PPP2R5E: variants seen among roughly 807,000 people sequenced by gnomAD.
The protein encoded by PPP2R5E is protein phosphatase 2 regulatory subunit B'epsilon, also known as serine/threonine-protein phosphatase 2A 56 kDa regulatory subunit epsilon isoform.
Under a neutral mutation model 65.3 loss-of-function variants are expected in PPP2R5E, and 4 were observed. The ratio of observed to expected loss-of-function variants is 0.06; its 90% CI spans 0.03 to 0.14. PPP2R5E has a LOEUF of 0.14. Among genes scored for constraint, PPP2R5E ranks in the 10% least tolerant of loss-of-function variants. The pLI is 1.00. For missense variants in PPP2R5E, 274 were observed against 556.1 expected (o/e 0.49, Z 5.10); for synonymous variants, 183 against 187.4 (o/e 0.98, Z 0.19).
chr14:63,509,544 G>A (rs1162279867), intron 2 of PPP2R5E, among the ~76,000 whole-genome samples: 1 of 152,090 alleles, frequency 6.6e-6, no homozygotes, highest in Non-Finnish European at 1.5e-5. Context: ...AAAGTGCTGG[G>A]ATTACAGGCC....
chr14:63,538,798 A>T (rs1298052907), intron 2 of PPP2R5E, among the ~76,000 whole-genome samples: 1 of 151,780 alleles, frequency 6.6e-6, no homozygotes, highest in East Asian at 2.0e-4. Context: ...TACAAAAATT[A>T]GCTGGGCATG....
At chr14:63,387,229 T>G (rs1203434030) in intron 11 of PPP2R5E, among the ~76,000 whole-genome samples, 2 of 152,226 alleles carry the variant, frequency 1.3e-5, no homozygotes, top group Non-Finnish European at 2.9e-5. Context: ...TCTTTGGACA[T>G]TCCTCCAGAA....
chr14:63,395,996 G>A (rs1289871201), intron 6 of PPP2R5E, among the ~76,000 whole-genome samples: 21 of 6,118 alleles, frequency 3.4e-3, no homozygotes, highest in African/African-American at 0.018. Context: ...GGGAAGAGAC[G>A]GGGGAGGAGA....
chr14:63,394,005 T>C, intron 7 of PPP2R5E, 77 bp from the exon 8 acceptor site: 1 of 817,548 alleles, frequency 1.2e-6, no homozygotes, highest in South Asian at 1.5e-5. Flanking sequence ...GTGATATTAA[T>C]TAAACTTAAT....
intron 13 of PPP2R5E, among the ~76,000 whole-genome samples, chr14:63,376,654 C>A (rs1224954334): frequency 1.3e-5 from 2 of 152,154 alleles, no homozygotes; most frequent in Non-Finnish European, 2.9e-5. Flanking sequence ...AAACTTCCCC[C>A]AAAAATTAGA....
intron 2 of PPP2R5E, among the ~76,000 whole-genome samples, chr14:63,504,522 C>T (rs941471070): frequency 1.3e-5 from 2 of 152,174 alleles, no homozygotes; most frequent in Admixed American, 1.3e-4. Flanking sequence ...GCGGAGGTTG[C>T]AGTGAGCTGA....
chr14:63,394,151 A>G (rs917001953), intron 7 of PPP2R5E, among the ~76,000 whole-genome samples: 3 of 136,808 alleles, frequency 2.2e-5, no homozygotes, highest in African/African-American at 5.6e-5. Context: ...GCCCAATCTC[A>G]GCTCACTGCA....
At position 63,453,704 on chromosome 14, in the gene PPP2R5E, A is replaced by C; in HGVS notation, c.339T>G (p.Pro113=). 1 of 1,613,644 alleles carries C rather than the reference A, an allele frequency of 6.2e-7. No individual in the cohort carries two copies. The highest frequency in any genetic ancestry group is 8.5e-7 in the Non-Finnish European group (1 of 1,179,878). ...AGAAACTCACCATTCTAACTACTTC[A>C]GGGTAAGTCTGCTCTGTCAAACAGC... is the stretch of plus-strand genomic sequence containing the variant. The part of the protein sequence containing the change: ...SRGCLTEQTY[P]EVVRMVSCNI... The change falls in exon 3 of 14, where the codon CCT becomes CCG. Residue 113 remains proline (P), a synonymous_variant. Coordinates refer to ENST00000337537, the MANE Select transcript of PPP2R5E (RefSeq NM_006246.5).
At chr14:63,493,190 C>CT (rs1400862754) in intron 2 of PPP2R5E, among the ~76,000 whole-genome samples, 1 of 151,252 alleles carries the variant, frequency 6.6e-6, no homozygotes, top group African/African-American at 2.4e-5. Context: ...CCAGATAACT[C>CT]TTTTTTGGTT....
intron 11 of PPP2R5E, among the ~76,000 whole-genome samples, chr14:63,388,399 A>G (rs1884807501): frequency 6.6e-6 from 1 of 152,166 alleles, no homozygotes; most frequent in Non-Finnish European, 1.5e-5. Flanking sequence ...TCAGCCTCCC[A>G]AAGTGCTGGG....
intron 2 of PPP2R5E, among the ~76,000 whole-genome samples, chr14:63,522,356 C>T (rs1298650879): frequency 5.9e-5 from 9 of 151,594 alleles, no homozygotes; most frequent in Admixed American, 3.9e-4. Flanking sequence ...AGCCTCTGCC[C>T]GGCCGCCACC....
At chr14:63,414,064 C>T (rs1886556150) in intron 5 of PPP2R5E, among the ~76,000 whole-genome samples, 1 of 152,146 alleles carries the variant, frequency 6.6e-6, no homozygotes, top group African/African-American at 2.4e-5. Flanking sequence ...CCTCCATGCC[C>T]CTCAGCTCTC....
intron 2 of PPP2R5E, among the ~76,000 whole-genome samples, chr14:63,537,423 T>C (rs547444934): frequency 1.3e-5 from 2 of 152,302 alleles, no homozygotes; most frequent in African/African-American, 4.8e-5. Context: ...ATAATGACTA[T>C]TTTCATTTTT....
intron 6 of PPP2R5E, 87 bp from the exon 7 acceptor site, chr14:63,395,372 GGGAGGAGGAGGAGAAGAGGAGGA>G: frequency 1.3e-6 from 1 of 749,180 alleles, no homozygotes; most frequent in South Asian, 1.7e-5. Flanking sequence ...GAGGAGAAGG[GGGAGGAGGAGGAGAAGAGGAGGA>G]GGAGGAGGAG....
chr14:63,455,809 C>T (rs1889093116), intron 2 of PPP2R5E, among the ~76,000 whole-genome samples: 1 of 152,068 alleles, frequency 6.6e-6, no homozygotes. Flanking sequence ...AATACTGATG[C>T]TGCAAAGGGG....
rs113618626 is a variant in PPP2R5E, at chr14:63,429,689, G to GT, written c.355-7596dup. Among the ~76,000 whole-genome samples, 1,254 of 144,304 alleles carry GT rather than the reference G, an allele frequency of 8.7e-3. 12 individuals are homozygous for GT. Among genetic ancestry groups the GT allele is most frequent in the African/African-American group, 0.026 (1,015 of 39,638 alleles). The allele number at this position is 144,304 out of a possible 152,430, so 94.7% of individuals were successfully genotyped here. On this transcript the variant is annotated intron_variant, in intron 3 of 13. Coordinates refer to ENST00000337537, the MANE Select transcript of PPP2R5E (RefSeq NM_006246.5). ...TGTTTGTTTTTGTTTTTTGTTTTTT[G>GT]TTTTTTTTTTTGAGACAGATTTTCA...
intron 3 of PPP2R5E, among the ~76,000 whole-genome samples, chr14:63,430,377 G>GCATACATACATACATACATA (rs60123490): frequency 7.3e-6 from 1 of 136,950 alleles, no homozygotes; most frequent in African/African-American, 3.2e-5. Flanking sequence ...ATACATGCAT[G>GCATACATACATACATACATA]CATACATACA....
At chr14:63,398,190 A>C (rs1174416613) in intron 5 of PPP2R5E, among the ~76,000 whole-genome samples, 4 of 152,214 alleles carry the variant, frequency 2.6e-5, no homozygotes, top group African/African-American at 9.6e-5. Flanking sequence ...AACAGATTCA[A>C]CTCAATCTCT....
chr14:63,384,625 C>G, intron 11 of PPP2R5E, 54 bp from the exon 12 acceptor site: 1 of 1,451,396 alleles, frequency 6.9e-7, no homozygotes, highest in African/African-American at 1.4e-5. Context: ...AAAGATAAAA[C>G]AAAATTATAA....
Sources: allele counts gnomAD v4.1 joint callset (sites outside exome capture counted in the v4.1 genomes callset), GRCh38; gene constraint gnomAD v4.1.1; transcripts MANE v1.5; gene names NCBI Gene and HGNC (gene_info 2026-07-23, HGNC 2026-07-21).